Variants in TERT observed in about 807,000 individuals in gnomAD.
TERT encodes the protein telomerase catalytic subunit.
A neutral mutation model predicts 104.0 loss-of-function variants in TERT; 42 were observed. The observed-to-expected ratio is 0.40, with a 90% CI of 0.32 to 0.52. The LOEUF (loss-of-function observed/expected upper bound fraction) is 0.52, where lower values mean the gene tolerates loss of function less well. TERT is among the 20% of genes least tolerant of loss of function. The pLI, the probability that TERT is intolerant of heterozygous loss-of-function variation, is 0.43. For missense variants in TERT, 1,101 were observed against 1,610.3 expected, an observed-to-expected ratio of 0.68 and a Z score of 5.41; for synonymous variants, 781 against 725.6, an observed-to-expected ratio of 1.08 and a Z score of -1.23.
chr5:1,294,992 C>A lies in TERT; in HGVS notation c.-3G>T. The A allele has an allele frequency of 7.6e-7, 1 of 1,312,640 alleles. No individual in the cohort carries two copies. The highest frequency in any genetic ancestry group is 3.1e-5 in the East Asian group (1 of 32,224). The allele number at this position is 1,312,640 out of a possible 1,614,324, so 81.3% of individuals were successfully genotyped here. On this transcript the variant is annotated 5_prime_UTR_variant, in exon 1 of 16. Transcript: ENST00000310581. ...CGGCAGCGGGGAGCGCGCGGCATCG[C>A]GGGGGTGGCCGGGGCCAGGGCTTCC...
chr5:1,271,067 G>T, intron 8 of TERT, 52 bp downstream of exon 8: 1 of 1,471,358 alleles, frequency 6.8e-7, no homozygotes, highest in Non-Finnish European at 9.5e-7. Context: ...CAGAAGCCCT[G>T]CCAGCCCGCC....
chr5:1,271,430 G>T (rs900793422), intron 7 of TERT, among the ~76,000 whole-genome samples: 1 of 152,234 alleles, frequency 6.6e-6, no homozygotes, highest in Non-Finnish European at 1.5e-5. Context: ...GGCCACCTGT[G>T]GGTCCAGCTG....
In TERT at chr5:1,292,002, C is replaced by G. The variant is rs896973671; in HGVS notation, c.1573+1311G>C. ...TTCGATGGGTAGGGACTTCCAGTCACGCAAGACGCAGCATTTCAAGCAACC... is the reference window on the plus strand; with the variant it reads ...TTCGATGGGTAGGGACTTCCAGTCAGGCAAGACGCAGCATTTCAAGCAACC... On this transcript the variant is annotated intron_variant, in intron 2 of 15. Transcript: ENST00000310581. The surrounding 1 kb of genome is among the most constrained non-coding windows in gnomAD (Gnocchi z 5.5). 1.3e-5 allele frequency among the ~76,000 whole-genome samples: 2 copies of G among 152,166 alleles called. No individual in the cohort carries two copies. The highest frequency in any genetic ancestry group is 1.9e-4 in the East Asian group (1 of 5,202).
intron 6 of TERT, among the ~76,000 whole-genome samples, chr5:1,275,199 A>C (rs1010110306): frequency 2.6e-5 from 4 of 151,998 alleles, no homozygotes; most frequent in African/African-American, 9.7e-5. Context: ...ACATGGAGAA[A>C]CCTCGTCTCT....
chr5:1,272,144 G>T (rs1284422939), intron 7 of TERT, 41 bp downstream of exon 7: 2 of 1,506,220 alleles, frequency 1.3e-6, no homozygotes, highest in East Asian at 4.8e-5. Context: ...AGGACCCACT[G>T]CTGGGAGTCC....
At chr5:1,291,291 G>A (rs71575543) in intron 2 of TERT, among the ~76,000 whole-genome samples, 10,358 of 18,220 alleles carry the variant, frequency 0.57, 3,084 homozygotes, top group African/African-American at 0.64. Context: ...CCTACACCTG[G>A]GAGGGACACC....
rs34528119 is a variant in TERT, at chr5:1,264,472, G to A, written c.2775C>T (p.His925=). The A allele has an allele frequency of 7.5e-4, 1,208 of 1,613,858 alleles. 12 individuals are homozygous for A. Among genetic ancestry groups the A allele is most frequent in the Middle Eastern group, 5.8e-3 (35 of 6,062 alleles). The change falls in exon 11 of 16, where the codon CAC becomes CAT. Residue 925 remains histidine, a synonymous_variant. Transcript: ENST00000310581. ...GCAGGCCGCACCAGGGGAATAGGCC[G>A]TGGGCCGGCATCTGAACAAAAGCCG... ...GGTAFVQMPA[H]GLFPWCGLLL...
Position 1,294,751 on chromosome 5 carries a change from C to T in TERT, c.219+20G>A, listed in dbSNP as rs1416634421. ...GGCCGCCCTCAACCCCAGCCGGACG[C>T]CGACCCCGGGGAGGCCCACCTGGCG... is the stretch of plus-strand genomic sequence containing the variant. On this transcript the variant is annotated intron_variant, in intron 1 of 15. Coordinates refer to ENST00000310581, the MANE Select transcript of TERT (RefSeq NM_198253.3). 1 of 1,556,746 alleles carries T rather than the reference C, an allele frequency of 6.4e-7. No individual in the cohort carries two copies. The highest frequency in any genetic ancestry group is 2.4e-5 in the East Asian group (1 of 42,440).
rs1748161028 is a variant in TERT, at chr5:1,260,610, A to G, written c.2844-10T>C. 4 of 1,613,354 alleles carry G rather than the reference A, an allele frequency of 2.5e-6. No homozygotes were observed. Among genetic ancestry groups the G allele is most frequent in the Non-Finnish European group, 3.4e-6 (4 of 1,179,728 alleles). On this transcript the variant is annotated splice_polypyrimidine_tract_variant and intron_variant, in intron 11 of 15. Coordinates refer to ENST00000310581, the MANE Select transcript of TERT (RefSeq NM_198253.3). ...GGAGGTCCGGGCATAGCTGAGACAC[A>G]GGGGGGAATGTCAGACACAGGTGCC...
chr5:1,289,040 C>A (rs1346287191), intron 2 of TERT, among the ~76,000 whole-genome samples: 4 of 152,160 alleles, frequency 2.6e-5, no homozygotes, highest in African/African-American at 4.8e-5. Flanking sequence ...AGCAAACATT[C>A]AGGAGCAAGC....
At chr5:1,272,359 G>A (rs1189865188) in intron 6 of TERT, 79 bp from the exon 7 acceptor site, 5 of 1,260,846 alleles carry the variant, frequency 4.0e-6, no homozygotes, top group African/African-American at 1.5e-5. Context: ...TTCCGATCAG[G>A]ACGTGTGGAC....
At chr5:1,272,538 AC>A in intron 6 of TERT, among the ~76,000 whole-genome samples, 1 of 129,126 alleles carries the variant, frequency 7.7e-6, no homozygotes, top group Non-Finnish European at 1.6e-5. Flanking sequence ...ATCCACAGTC[AC>A]CACATCAGAC....
In TERT at chr5:1,263,717, T is replaced by A. The variant is rs1748387174; in HGVS notation, c.2843+687A>T. 6.6e-6 allele frequency among the ~76,000 whole-genome samples: 1 copy of A among 152,256 alleles called. No individual in the cohort carries two copies. Among genetic ancestry groups the A allele is most frequent in the Non-Finnish European group, 1.5e-5 (1 of 68,046 alleles). ...CACCTTGCCCTGCCTGGAATGTTGA[T>A]ACTTTTTATTCATAAAAGAAACAGC... On this transcript the variant is annotated intron_variant, in intron 11 of 15. Transcript: ENST00000310581. The surrounding 1 kb of genome is among the most constrained non-coding windows in gnomAD (Gnocchi z 5.3).
In TERT at chr5:1,294,153, C is replaced by G; in HGVS notation, c.733G>C (p.Glu245Gln). The change falls in exon 2 of 16, where the codon GAG becomes CAG. Residue 245 changes from glutamate to glutamine, a missense_variant. This residue lies in a region of TERT where 504 missense variants were observed against 544.6 expected (regional missense o/e 0.93). Transcript: ENST00000310581. ...PKRPRRGAAP[E>Q]PERTPVGQGS... Reference sequence around the variant, plus strand: ...TGCCCAACGGGCGTCCGCTCCGGCTCAGGGGCAGCGCCACGCCTGGGCCTC... The same window carrying G: ...TGCCCAACGGGCGTCCGCTCCGGCTGAGGGGCAGCGCCACGCCTGGGCCTC... The G allele has an allele frequency of 6.3e-7, 1 of 1,581,664 alleles. No homozygotes were observed. The highest frequency in any genetic ancestry group is 8.6e-7 in the Non-Finnish European group (1 of 1,166,862).
chr5:1,286,682 A>G lies in TERT; in HGVS notation c.1574-4058T>C, dbSNP rs1323766667. Among the ~76,000 whole-genome samples, 1 of 152,196 alleles carries G rather than the reference A, an allele frequency of 6.6e-6. No individual in the cohort carries two copies. ...CACTTGAGGTCAGGAGTTTGAGACC[A>G]GCCTGGCCAACATGGTGAAAGCCTA... On this transcript the variant is annotated intron_variant, in intron 2 of 15. Coordinates refer to ENST00000310581, the MANE Select transcript of TERT (RefSeq NM_198253.3). The surrounding 1 kb of genome is among the most constrained non-coding windows in gnomAD (Gnocchi z 5.3).
chr5:1,279,008 T>G (rs1749813933), intron 5 of TERT, among the ~76,000 whole-genome samples: 1 of 152,230 alleles, frequency 6.6e-6, no homozygotes. Flanking sequence ...CGGGGCCTGG[T>G]GGCTGAGCCG....
chr5:1,262,810 TA>T lies in TERT; in HGVS notation c.2843+1593del, dbSNP rs775957240. ...AGGCTGGAACCAGGGGTGCCTGTCCTAAAAAATACATTTCATGGGGAGCAAA... is the reference window on the plus strand; with the variant it reads ...AGGCTGGAACCAGGGGTGCCTGTCCTAAAAATACATTTCATGGGGAGCAAA... On this transcript the variant is annotated intron_variant, in intron 11 of 15. Coordinates refer to ENST00000310581, the MANE Select transcript of TERT (RefSeq NM_198253.3). The surrounding 1 kb of genome is among the most constrained non-coding windows in gnomAD (Gnocchi z 5.6). Among the ~76,000 whole-genome samples, 9 of 152,224 alleles carry T rather than the reference TA, an allele frequency of 5.9e-5. No homozygotes were observed. Among genetic ancestry groups the T allele is most frequent in the Non-Finnish European group, 1.3e-4 (9 of 68,046 alleles).
At chr5:1,283,074 A>G (rs1342153302) in intron 2 of TERT, 4 of 208,018 alleles carry the variant, frequency 1.9e-5, no homozygotes, top group South Asian at 3.7e-5. Context: ...ATCCGGATAC[A>G]GCACATCCAG....
At chr5:1,264,310 C>T (rs1748436606) in intron 11 of TERT, 94 bp downstream of exon 11, 3 of 1,382,880 alleles carry the variant, frequency 2.2e-6, no homozygotes, top group Non-Finnish European at 3.0e-6. Flanking sequence ...TGGCAGTCGC[C>T]TGCCCCACAC....
Sources: allele counts gnomAD v4.1 joint callset (sites outside exome capture counted in the v4.1 genomes callset), GRCh38; gene constraint gnomAD v4.1.1; regional missense constraint gnomAD v4.1.1; non-coding constraint Gnocchi (gnomAD v3.1); transcripts MANE v1.5; gene names NCBI Gene and HGNC (gene_info 2026-07-23, HGNC 2026-07-21).